Variants in SHC3 observed in about 807,000 individuals in gnomAD.
The protein encoded by SHC3 is SHC-transforming protein 3.
Under a neutral mutation model 60.4 loss-of-function variants are expected in SHC3, and 15 were observed. The observed-to-expected ratio is 0.25, with a 90% CI of 0.17 to 0.38. The LOEUF (loss-of-function observed/expected upper bound fraction) is 0.38. Ranked by LOEUF, SHC3 falls within the 10% of genes least tolerant of loss-of-function variation. The pLI, the probability that SHC3 is intolerant of heterozygous loss-of-function variation, is 1.00. For synonymous variants in SHC3, 294 were observed against 325.9 expected (o/e 0.90, Z 1.05); for missense variants, 677 against 786.1 (o/e 0.86, Z 1.66).
chr9:89,114,852 C>T (rs980593286), intron 1 of SHC3, among the ~76,000 whole-genome samples: 2 of 152,124 alleles, frequency 1.3e-5, no homozygotes, highest in Non-Finnish European at 1.5e-5. Flanking sequence ...CCAGCAGCAA[C>T]ACTGCAGTTA....
chr9:89,020,797 C>T (rs1410762249), intron 11 of SHC3, among the ~76,000 whole-genome samples: 1 of 152,118 alleles, frequency 6.6e-6, no homozygotes, highest in Non-Finnish European at 1.5e-5. Context: ...TCTCCTCCAT[C>T]AGCAGTGACT....
At chr9:89,133,403 A>T (rs945540842) in intron 1 of SHC3, among the ~76,000 whole-genome samples, 6 of 152,208 alleles carry the variant, frequency 3.9e-5, no homozygotes, top group African/African-American at 1.4e-4. Flanking sequence ...CAGTGATTCC[A>T]TTACTAGGTA....
At chr9:89,082,959 T>C (rs906889826) in intron 2 of SHC3, among the ~76,000 whole-genome samples, 2 of 152,124 alleles carry the variant, frequency 1.3e-5, no homozygotes, top group African/African-American at 4.8e-5. Flanking sequence ...CATCACAAAC[T>C]TGAAGTTTTC....
At chr9:89,021,079 C>T (rs1046518170) in intron 11 of SHC3, among the ~76,000 whole-genome samples, 2 of 152,184 alleles carry the variant, frequency 1.3e-5, no homozygotes, top group East Asian at 1.9e-4. Flanking sequence ...AGGAGATGCC[C>T]GCCAGTTGCA....
At chr9:89,159,538 T>C (rs2118237213) in intron 1 of SHC3, among the ~76,000 whole-genome samples, 1 of 152,288 alleles carries the variant, frequency 6.6e-6, no homozygotes, top group East Asian at 1.9e-4. Flanking sequence ...GAGGTTGTAT[T>C]AGTCAGCGTT....
At chr9:89,153,306 G>A (rs527913194) in intron 1 of SHC3, among the ~76,000 whole-genome samples, 37 of 152,246 alleles carry the variant, frequency 2.4e-4, no homozygotes, top group African/African-American at 8.7e-4. Flanking sequence ...GAATAACTTG[G>A]TATTATGAGA....
intron 6 of SHC3, among the ~76,000 whole-genome samples, chr9:89,053,974 G>GGT (rs1824904597): frequency 6.6e-6 from 1 of 152,214 alleles, no homozygotes; most frequent in Admixed American, 6.5e-5. Flanking sequence ...CAACAGGACT[G>GGT]GTTGGTCGGT....
rs1326031104 is a variant in SHC3 at position 89,038,221 on chromosome 9, C to A, written c.1428G>T (p.Glu476Asp). 3.7e-6 allele frequency: 6 copies of A among 1,613,946 alleles called. No homozygotes were observed. The highest frequency in any genetic ancestry group is 5.1e-6 in the Non-Finnish European group (6 of 1,180,028). The change falls in exon 11 of 12, where the codon GAG (glutamate) becomes GAT (aspartate). Residue 476 changes from glutamate to aspartate, a missense_variant. Transcript: ENST00000375835. The part of the protein sequence containing the change: ...GPVLSKAASV[E>D]CISPVSPRAP... ...CTCTAGGTGACACAGGGCTGATGCA[C>A]TCCACGGAGGCTGCCTTGCTTAACA...
chr9:89,178,070 C>A lies in SHC3; in HGVS notation c.391G>T (p.Asp131Tyr). 1 of 1,204,288 alleles carries A rather than the reference C, an allele frequency of 8.3e-7. No individual in the cohort carries two copies. Among genetic ancestry groups the A allele is most frequent in the Non-Finnish European group, 1.0e-6 (1 of 970,820 alleles). 74.6% of individuals were successfully genotyped at this position (1,204,288 alleles called of 1,614,324 possible). A position where few individuals can be genotyped will look rare whatever the true frequency, so the allele number is the denominator to read the frequency against. Residue 131 changes from aspartate (D) to tyrosine (Y), a missense_variant, in exon 1 of 12, where the codon GAC becomes TAC. Coordinates refer to ENST00000375835, the MANE Select transcript of SHC3 (RefSeq NM_016848.6). This position sits in a 1 kb window ranked among gnomAD's most constrained non-coding sequence, Gnocchi z 6.9. ...CGAGGGGGCCTGGGCAGCGGCTCGT[C>A]GCCGGGCCGGCCCTTCCTGGCGGCG... The part of the protein sequence containing the change: ...MSAARKGRPG[D>Y]EPLPRPPRGA...
At chr9:89,128,124 A>C (rs1826190800) in intron 1 of SHC3, among the ~76,000 whole-genome samples, 1 of 152,176 alleles carries the variant, frequency 6.6e-6, no homozygotes, top group Non-Finnish European at 1.5e-5. Flanking sequence ...TTTAAATAAA[A>C]TATTTTATCA....
intron 1 of SHC3, among the ~76,000 whole-genome samples, chr9:89,114,534 T>A (rs980709343): frequency 7.2e-5 from 11 of 152,036 alleles, no homozygotes; most frequent in African/African-American, 2.7e-4. Context: ...CTAGAGAGGA[T>A]TCAAAGTATA....
At chr9:89,138,865 G>A (rs1209329359) in intron 1 of SHC3, among the ~76,000 whole-genome samples, 2 of 152,028 alleles carry the variant, frequency 1.3e-5, no homozygotes, top group Non-Finnish European at 2.9e-5. Flanking sequence ...TCTGTCAGGA[G>A]GCATCAGTAT....
chr9:89,084,022 T>C (rs1825488133), intron 2 of SHC3, among the ~76,000 whole-genome samples: 1 of 152,188 alleles, frequency 6.6e-6, no homozygotes, highest in South Asian at 2.1e-4. Context: ...ACCAAACCAT[T>C]CGGAGAAACT....
At chr9:89,157,031 C>T (rs1587760057) in intron 1 of SHC3, among the ~76,000 whole-genome samples, 2 of 152,248 alleles carry the variant, frequency 1.3e-5, no homozygotes, top group Middle Eastern at 6.8e-3. Flanking sequence ...ACGTTTAAGC[C>T]ATCTGGGAGG....
chr9:89,128,749 C>T (rs574571392), intron 1 of SHC3, among the ~76,000 whole-genome samples: 247 of 152,238 alleles, frequency 1.6e-3, no homozygotes, highest in Middle Eastern at 3.4e-3. Context: ...CCCATCTGTA[C>T]GTCACCATCA....
At chr9:89,055,010 G>A (rs998109701) in intron 6 of SHC3, among the ~76,000 whole-genome samples, 6 of 152,208 alleles carry the variant, frequency 3.9e-5, no homozygotes, top group African/African-American at 1.4e-4. Flanking sequence ...CACATCACAA[G>A]GACTACTCCA....
Position 89,075,122 on chromosome 9 carries a change from G to T in SHC3, c.716C>A (p.Pro239Gln), listed in dbSNP as rs575182413. 10 of 1,613,988 alleles carry T rather than the reference G, an allele frequency of 6.2e-6. No homozygotes were observed. The highest frequency in any genetic ancestry group is 8.5e-6 in the Non-Finnish European group (10 of 1,179,920). Residue 239 changes from proline (P) to glutamine (Q), a missense_variant, in exon 4 of 12, where the codon CCG (proline) becomes CAG (glutamine). Coordinates refer to ENST00000375835, the MANE Select transcript of SHC3 (RefSeq NM_016848.6). Reference sequence around the variant, plus strand: ...GCACCCATGTACCTGTTTGGAGTCCGGAGTTCGCAGGTTCAGACTGGCCGT... The same window carrying T: ...GCACCCATGTACCTGTTTGGAGTCCTGAGTTCGCAGGTTCAGACTGGCCGT... ...ISTASLNLRT[P>Q]DSKQIIANHH...
chr9:89,031,100 G>C (rs1341053627), intron 11 of SHC3, among the ~76,000 whole-genome samples: 2 of 151,948 alleles, frequency 1.3e-5, no homozygotes, highest in Non-Finnish European at 2.9e-5. Flanking sequence ...TGCCCAGTCT[G>C]GTCTTGAACT....
At chr9:89,120,707 TAA>T (rs1156510522) in intron 1 of SHC3, among the ~76,000 whole-genome samples, 8 of 152,178 alleles carry the variant, frequency 5.3e-5, no homozygotes, top group Admixed American at 2.0e-4. Flanking sequence ...CATAAAACCA[TAA>T]AGATATTTGT....
Sources: gnomAD v4.1 joint callset for allele counts (sites outside exome capture counted in the v4.1 genomes callset) on GRCh38, gnomAD v4.1.1 for gene constraint, Gnocchi (gnomAD v3.1) non-coding constraint, MANE v1.5 for transcripts, NCBI Gene and HGNC (gene_info 2026-07-23, HGNC 2026-07-21) for gene names.